OSBPL10: variants seen among roughly 807,000 people sequenced by gnomAD.
OSBPL10 encodes oxysterol binding protein like 10.
In OSBPL10, 49 loss-of-function variants were observed where a neutral mutation model predicts 81.7. That is an observed-to-expected ratio of 0.60 (90% CI 0.48 to 0.76). The LOEUF is 0.76. OSBPL10 is among the 30% of genes least tolerant of loss of function. The pLI is 0.00. For missense variants in OSBPL10, 923 were observed against 987.8 expected, an observed-to-expected ratio of 0.93 and a Z score of 0.88; for synonymous variants, 419 against 383.6, an observed-to-expected ratio of 1.09 and a Z score of -1.08.
chr3:31,889,323 A>G (rs1160047843), intron 1 of OSBPL10, among the ~76,000 whole-genome samples: 2 of 152,212 alleles, frequency 1.3e-5, no homozygotes, highest in Non-Finnish European at 2.9e-5. Flanking sequence ...AAAGGAAATC[A>G]GTGTATTGAA....
intron 6 of OSBPL10, among the ~76,000 whole-genome samples, chr3:31,729,943 A>G (rs922923514): frequency 1.3e-5 from 2 of 152,180 alleles, no homozygotes; most frequent in African/African-American, 4.8e-5. Flanking sequence ...TGGTCTCCAA[A>G]TCTCACACAA....
chr3:31,866,805 AT>A (rs1238997803), intron 3 of OSBPL10, among the ~76,000 whole-genome samples: 1 of 152,098 alleles, frequency 6.6e-6, no homozygotes, highest in Non-Finnish European at 1.5e-5. Flanking sequence ...AAGTGAATTA[AT>A]GTGCAATTAT....
At chr3:31,981,454 G>T, upstream of OSBPL10, 1 of 437,838 alleles carries the variant, frequency 2.3e-6, no homozygotes, top group Non-Finnish European at 3.7e-6. This position sits in a 1 kb window ranked among gnomAD's most constrained non-coding sequence, Gnocchi z 4.5. Context: ...AGTTCGGAGC[G>T]GGTGGCCGGC....
At chr3:31,717,960 G>A (rs1296831880) in intron 6 of OSBPL10, 3 of 152,196 alleles carry the variant, frequency 2.0e-5, no homozygotes, top group Non-Finnish European at 4.4e-5. Flanking sequence ...ACGGTATGTA[G>A]TAGCACTGTT....
In OSBPL10 at chr3:31,833,737, A is replaced by ACACACACTCT. The variant is rs1491340793; in HGVS notation, c.538-3507_538-3506insAGAGTGTGTG. ...CACACACACACACACACACACACAC[A>ACACACACTCT]CTCTCTCTCTCTTCTAATTCTGAGT... On this transcript the variant is annotated intron_variant, in intron 3 of 11. Coordinates refer to ENST00000396556, the MANE Select transcript of OSBPL10 (RefSeq NM_017784.5). Among the ~76,000 whole-genome samples the ACACACACTCT allele has an allele frequency of 2.2e-3, 301 of 139,886 alleles. 2 individuals carry two copies. The highest frequency in any genetic ancestry group is 8.1e-3 in the African/African-American group (292 of 36,248). 91.8% of individuals were successfully genotyped at this position (139,886 alleles called of 152,430 possible).
chr3:31,845,493 C>G (rs1700605937), intron 3 of OSBPL10, among the ~76,000 whole-genome samples: 1 of 152,180 alleles, frequency 6.6e-6, no homozygotes, highest in Non-Finnish European at 1.5e-5. Context: ...CTATTTTCCA[C>G]ATTTTATTAT....
In OSBPL10 at chr3:32,064,436, T is replaced by G. The variant is rs1699765228; in HGVS notation, n.185+12960A>C. ...TTTTCAGGAGTGTTAGATGTCAACC[T>G]GAAATAATCAAAAGGGTCAGAATGT... On this transcript the variant is annotated intron_variant and non_coding_transcript_variant, in intron 1 of 3. Transcript: ENST00000479173. 2.1e-5 allele frequency: 2 copies of G among 93,550 alleles called. 1 individual carries two copies. Among genetic ancestry groups the G allele is most frequent in the Non-Finnish European group, 5.7e-5 (2 of 34,994 alleles). 5.8% of individuals were successfully genotyped at this position (93,550 alleles called of 1,614,324 possible). A position where few individuals can be genotyped will look rare whatever the true frequency, so the allele number is the denominator to read the frequency against.
chr3:32,023,400 G>A (rs770820814), intron 2 of OSBPL10, among the ~76,000 whole-genome samples: 1 of 152,118 alleles, frequency 6.6e-6, no homozygotes, highest in Non-Finnish European at 1.5e-5. Flanking sequence ...ACAATTGTGA[G>A]GCCTCCCCAG....
At chr3:32,010,380 A>G (rs1359207242) in intron 2 of OSBPL10, among the ~76,000 whole-genome samples, 2 of 152,174 alleles carry the variant, frequency 1.3e-5, no homozygotes, top group Non-Finnish European at 2.9e-5. Context: ...AGACTAATAC[A>G]GGATTCAAAA....
Position 31,683,632 on chromosome 3 carries a change from ACCT to A in OSBPL10, c.1725_1726+1del. The A allele has an allele frequency of 6.2e-7, 1 of 1,606,020 alleles. No individual in the cohort carries two copies. The highest frequency in any genetic ancestry group is 8.5e-7 in the Non-Finnish European group (1 of 1,173,496). On this transcript the variant is annotated splice_donor_variant and coding_sequence_variant, in exon 8 of 12. Coordinates refer to ENST00000396556, the MANE Select transcript of OSBPL10 (RefSeq NM_017784.5). LOFTEE classifies it high-confidence loss of function. ...CAAACTCCAACATACGACATGGCTT[ACCT>A]TCCCCTATCATAGAGACCCCCACGG...
chr3:31,747,657 T>A (rs1021514345), intron 5 of OSBPL10, among the ~76,000 whole-genome samples: 2 of 152,146 alleles, frequency 1.3e-5, no homozygotes, highest in Non-Finnish European at 2.9e-5. Flanking sequence ...AAAATAAAAA[T>A]ATATCCCAAA....
rs531431363 is a variant in OSBPL10 at position 32,076,068 on chromosome 3, C to A, written n.185+1328G>T. Among the ~76,000 whole-genome samples, 49 of 152,268 alleles carry A rather than the reference C, an allele frequency of 3.2e-4. No homozygotes were observed. In the South Asian group the frequency reaches 4.4e-3, roughly 14 times the overall value. ...CCTAACTCCACCACCTATCCCAAAA[C>A]CTGTAAGAACTAATGATATGGCCAG... On this transcript the variant is annotated intron_variant and non_coding_transcript_variant, in intron 1 of 3. Transcript: ENST00000479173.
intron 6 of OSBPL10, chr3:31,732,472 A>G (rs1697004696): frequency 6.6e-6 from 1 of 152,244 alleles, no homozygotes; most frequent in Non-Finnish European, 1.5e-5. Flanking sequence ...GAAATTAAGA[A>G]CAACCTCTAA....
intron 2 of OSBPL10, among the ~76,000 whole-genome samples, chr3:32,002,420 G>A (rs948946669): frequency 6.6e-6 from 1 of 152,168 alleles, no homozygotes; most frequent in African/African-American, 2.4e-5. Context: ...TAAGTGAAAT[G>A]TATTTTGACA....
At chr3:32,023,222 C>A (rs374335757) in intron 2 of OSBPL10, among the ~76,000 whole-genome samples, 1 of 152,016 alleles carries the variant, frequency 6.6e-6, no homozygotes, top group South Asian at 2.1e-4. Flanking sequence ...TGGGAGGGAC[C>A]CAATGGGAGG....
chr3:31,753,735 CTTG>C (rs1265767174), intron 4 of OSBPL10, among the ~76,000 whole-genome samples: 1 of 152,170 alleles, frequency 6.6e-6, no homozygotes, highest in East Asian at 1.9e-4. Flanking sequence ...AAATCCTTGC[CTTG>C]TTGTTTTCAC....
At chr3:31,748,289 A>G (rs1215288483) in intron 4 of OSBPL10, among the ~76,000 whole-genome samples, 169 bp from the exon 5 acceptor site, 1 of 152,206 alleles carries the variant, frequency 6.6e-6, no homozygotes, top group Non-Finnish European at 1.5e-5. Flanking sequence ...AAATCTGTCA[A>G]GGCAAATTTA....
At chr3:31,911,263 C>A (rs927331115) in intron 1 of OSBPL10, among the ~76,000 whole-genome samples, 1 of 152,162 alleles carries the variant, frequency 6.6e-6, no homozygotes, top group Non-Finnish European at 1.5e-5. Context: ...TGATACCACA[C>A]AAAAGTAGCC....
intron 1 of OSBPL10, among the ~76,000 whole-genome samples, chr3:32,070,996 A>G (rs995268944): frequency 6.6e-6 from 1 of 152,056 alleles, no homozygotes; most frequent in African/African-American, 2.4e-5. Context: ...CTCATGATTT[A>G]CTTTCTTTCC....
Sources: gnomAD v4.1 joint callset for allele counts (sites outside exome capture counted in the v4.1 genomes callset) on GRCh38, gnomAD v4.1.1 for gene constraint, Gnocchi (gnomAD v3.1) non-coding constraint, MANE v1.5 for transcripts, NCBI Gene and HGNC (gene_info 2026-07-23, HGNC 2026-07-21) for gene names.